Variants in ENPEP observed in about 807,000 individuals in gnomAD.
ENPEP encodes AP-A.
In ENPEP, 103 loss-of-function variants were observed where a neutral mutation model predicts 114.5. The observed-to-expected ratio is 0.90, with a 90% CI of 0.77 to 1.06. The LOEUF is 1.06. ENPEP is among the 50% of genes least tolerant of loss of function. The pLI is 0.00. For missense variants in ENPEP, 1,196 were observed against 1,161.3 expected, an observed-to-expected ratio of 1.03 and a Z score of -0.43; for synonymous variants, 420 against 422.0, an observed-to-expected ratio of 1.00 and a Z score of 0.06.
At chr4:110,477,108 C>T in intron 1 of ENPEP, 50 bp downstream of exon 1, 1 of 1,558,120 alleles carries the variant, frequency 6.4e-7, no homozygotes, top group South Asian at 1.2e-5. Context: ...TATCTGCTTT[C>T]CATTTCTTTT....
chr4:110,541,282 T>C (rs1239354434), intron 11 of ENPEP, among the ~76,000 whole-genome samples: 1 of 152,148 alleles, frequency 6.6e-6, no homozygotes, highest in Non-Finnish European at 1.5e-5. Context: ...TTCCAGACCT[T>C]GCAAACACTT....
In ENPEP at chr4:110,561,664, A is replaced by G. The variant is rs180739395; in HGVS notation, c.*106A>G. 162 of 1,051,224 alleles carry G rather than the reference A, an allele frequency of 1.5e-4. 1 individual carries two copies. The highest frequency in any genetic ancestry group is 1.5e-3 in the Admixed American group (55 of 36,980). 65.1% of individuals were successfully genotyped at this position (1,051,224 alleles called of 1,614,324 possible). On this transcript the variant is annotated 3_prime_UTR_variant, in exon 20 of 20. Transcript: ENST00000265162. ...ATGGAGAGAGCCTTATAAACAGATAATGCTTTTACTAAGCACTGTGTTTAT... is the reference window on the plus strand; with the variant it reads ...ATGGAGAGAGCCTTATAAACAGATAGTGCTTTTACTAAGCACTGTGTTTAT...
intron 13 of ENPEP, among the ~76,000 whole-genome samples, chr4:110,547,442 A>G (rs2110391967): frequency 1.3e-5 from 2 of 152,208 alleles, no homozygotes; most frequent in South Asian, 4.1e-4. Flanking sequence ...ACGTAGAGTC[A>G]GAAATAGAGG....
chr4:110,528,743 G>A (rs922008764), intron 10 of ENPEP, among the ~76,000 whole-genome samples: 2 of 152,298 alleles, frequency 1.3e-5, no homozygotes, highest in African/African-American at 4.8e-5. Flanking sequence ...GGGAGTAAGT[G>A]TGTCAGCTTG....
At chr4:110,500,402 T>G (rs1010606522) in intron 3 of ENPEP, among the ~76,000 whole-genome samples, 1 of 152,198 alleles carries the variant, frequency 6.6e-6, no homozygotes, top group Admixed American at 6.5e-5. Flanking sequence ...GCTCCATAGA[T>G]TCAGTGCTTT....
In ENPEP at chr4:110,476,400, A is replaced by G; in HGVS notation, c.-15A>G. 6.6e-7 allele frequency: 1 copy of G among 1,511,072 alleles called. No homozygotes were observed. The highest frequency in any genetic ancestry group is 8.9e-7 in the Non-Finnish European group (1 of 1,128,712). 93.6% of individuals were successfully genotyped at this position (1,511,072 alleles called of 1,614,324 possible). On this transcript the variant is annotated 5_prime_UTR_variant, in exon 1 of 20. An upstream open reading frame in the 5' UTR loses its in-frame stop. Coordinates refer to ENST00000265162, the MANE Select transcript of ENPEP (RefSeq NM_001977.4). ...AACATCTTTTTATGTGTAACACTTG[A>G]CTTTGGAAGCAAAAATGAACTTTGC...
At chr4:110,507,633 T>C (rs1489575399) in intron 4 of ENPEP, among the ~76,000 whole-genome samples, 1 of 152,226 alleles carries the variant, frequency 6.6e-6, no homozygotes, top group Non-Finnish European at 1.5e-5. Context: ...TTTGATTGCT[T>C]AACAAATGTT....
At chr4:110,558,672 G>A (rs1204630977) in intron 18 of ENPEP, among the ~76,000 whole-genome samples, 1 of 152,092 alleles carries the variant, frequency 6.6e-6, no homozygotes, top group Admixed American at 6.5e-5. Context: ...CATTCCAGGG[G>A]TTTAAGGTTT....
At chr4:110,543,626 A>G (rs1046354331) in intron 13 of ENPEP, among the ~76,000 whole-genome samples, 5 of 151,460 alleles carry the variant, frequency 3.3e-5, no homozygotes, top group African/African-American at 1.2e-4. Context: ...GGAAGAACTA[A>G]GTAGTATCCA....
In ENPEP at chr4:110,515,263, G is replaced by A; in HGVS notation, c.1444-114G>A. The A allele has an allele frequency of 3.6e-6, 3 of 844,452 alleles. 1 individual carries two copies. The highest frequency in any genetic ancestry group is 5.1e-4 in the Middle Eastern group (2 of 3,956). The allele number at this position is 844,452 out of a possible 1,614,324, so 52.3% of individuals were successfully genotyped here. ...CCATATAATTTAGCAGAATCATCTTGAGGAACTAATCTCACAAATATGATC... is the reference window on the plus strand; with the variant it reads ...CCATATAATTTAGCAGAATCATCTTAAGGAACTAATCTCACAAATATGATC... On this transcript the variant is annotated intron_variant, in intron 7 of 19. Coordinates refer to ENST00000265162, the MANE Select transcript of ENPEP (RefSeq NM_001977.4).
chr4:110,478,122 C>T (rs1294642180), intron 1 of ENPEP, among the ~76,000 whole-genome samples: 1 of 152,146 alleles, frequency 6.6e-6, no homozygotes, highest in Non-Finnish European at 1.5e-5. Context: ...CACAAATATC[C>T]CTTTTTTTCT....
rs181270093 is a variant in ENPEP, at chr4:110,515,819, T to C, written c.1509+377T>C. 16 of 457,272 alleles carry C rather than the reference T, an allele frequency of 3.5e-5. No individual in the cohort carries two copies. In the East Asian group the frequency reaches 4.9e-4, roughly 14 times the overall value. The allele number at this position is 457,272 out of a possible 1,614,324, so 28.3% of individuals were successfully genotyped here. A position where few individuals can be genotyped will look rare whatever the true frequency, so the allele number is the denominator to read the frequency against. ...GTCCAAGATCAAAGTGCTGGCTGAT[T>C]CCGTTTCTGGTGAAGCCTCTCTTCC... On this transcript the variant is annotated intron_variant, in intron 8 of 19. Transcript: ENST00000265162.
intron 1 of ENPEP, among the ~76,000 whole-genome samples, chr4:110,479,575 C>T (rs1357788735): frequency 6.6e-6 from 1 of 152,078 alleles, no homozygotes; most frequent in South Asian, 2.1e-4. Context: ...ATGTCCCAAA[C>T]TCCATTTCCA....
chr4:110,515,967 C>T (rs1725752254), intron 8 of ENPEP: 2 of 312,134 alleles, frequency 6.4e-6, no homozygotes, highest in Non-Finnish European at 1.3e-5. Context: ...CCCAGCCTCA[C>T]GATATCATCT....
intron 2 of ENPEP, 47 bp from the exon 3 acceptor site, chr4:110,490,986 A>G: frequency 3.2e-6 from 5 of 1,579,740 alleles, no homozygotes; most frequent in South Asian, 1.2e-5. Flanking sequence ...TTGCATATAT[A>G]TGATTGATAT....
chr4:110,501,744 C>A lies in ENPEP; in HGVS notation c.919-4893C>A, dbSNP rs550518948. ...CTACTGTGAATAGTGCTGTGATGAACGTATGGAGGCCTGTGTCTTTACGGC... is the reference window on the plus strand; with the variant it reads ...CTACTGTGAATAGTGCTGTGATGAAAGTATGGAGGCCTGTGTCTTTACGGC... On this transcript the variant is annotated intron_variant, in intron 3 of 19. Coordinates refer to ENST00000265162, the MANE Select transcript of ENPEP (RefSeq NM_001977.4). 1.3e-4 allele frequency among the ~76,000 whole-genome samples: 20 copies of A among 152,106 alleles called. 1 individual carries two copies. The highest frequency in any genetic ancestry group is 2.6e-4 in the Admixed American group (4 of 15,276).
intron 3 of ENPEP, among the ~76,000 whole-genome samples, chr4:110,492,409 T>C (rs1257017528): frequency 6.6e-6 from 1 of 152,172 alleles, no homozygotes; most frequent in African/African-American, 2.4e-5. Context: ...AGGGGATGGG[T>C]TCCTCTATTT....
intron 7 of ENPEP, 80 bp from the exon 8 acceptor site, chr4:110,515,297 C>G (rs562273706): frequency 1.8e-6 from 2 of 1,100,746 alleles, no homozygotes; most frequent in African/African-American, 1.6e-5. Flanking sequence ...TCATGAAATA[C>G]TAGTTGCAAG....
intron 17 of ENPEP, among the ~76,000 whole-genome samples, chr4:110,552,686 T>C (rs905840531): frequency 6.6e-6 from 1 of 152,140 alleles, no homozygotes; most frequent in Non-Finnish European, 1.5e-5. Flanking sequence ...AATATACACT[T>C]GTAAGATCTT....
Sources: gnomAD v4.1 joint callset for allele counts (sites outside exome capture counted in the v4.1 genomes callset) on GRCh38, gnomAD v4.1.1 for gene constraint, MANE v1.5 for transcripts, NCBI Gene and HGNC (gene_info 2026-07-23, HGNC 2026-07-21) for gene names.